Variants in KCNG2 observed in about 807,000 individuals in gnomAD.
The protein encoded by KCNG2 is voltage-gated potassium channel regulatory subunit KCNG2.
A neutral mutation model predicts 12.3 loss-of-function variants in KCNG2; 7 were observed. The observed-to-expected ratio is 0.57, with a 90% CI of 0.32 to 1.07. The LOEUF is 1.07. Among genes scored for constraint, KCNG2 ranks in the 50% least tolerant of loss-of-function variants. The probability of loss-of-function intolerance (pLI) is 0.04; values close to 1 mark genes in which losing one functional copy is unlikely to be tolerated. For missense variants in KCNG2, 703 were observed against 726.0 expected, an observed-to-expected ratio of 0.97 and a Z score of 0.36; for synonymous variants, 414 against 351.4, an observed-to-expected ratio of 1.18 and a Z score of -1.99.
chr18:79,880,356 G>A (rs1980248885), intron 3 of KCNG2, among the ~76,000 whole-genome samples: 1 of 147,166 alleles, frequency 6.8e-6, no homozygotes, highest in African/African-American at 2.5e-5. Context: ...CAATTACTTT[G>A]ATAAGACAAA....
intron 1 of KCNG2, among the ~76,000 whole-genome samples, chr18:79,798,326 G>T (rs1452362173): frequency 6.6e-6 from 1 of 152,096 alleles, no homozygotes; most frequent in Non-Finnish European, 1.5e-5. Flanking sequence ...GCCGCGCCGC[G>T]CGCGTGGATG....
At chr18:79,869,565 C>T (rs764691059) in intron 3 of KCNG2, among the ~76,000 whole-genome samples, 2 of 152,184 alleles carry the variant, frequency 1.3e-5, no homozygotes, top group Non-Finnish European at 2.9e-5. Context: ...CAAGCAGGCT[C>T]TGTCCTCTGC....
At chr18:79,890,818 C>T (rs1472722722) in intron 3 of KCNG2, among the ~76,000 whole-genome samples, 1 of 152,176 alleles carries the variant, frequency 6.6e-6, no homozygotes, top group African/African-American at 2.4e-5. Context: ...GTGAATGGAT[C>T]CATTTTACCT....
At chr18:79,887,762 G>A (rs1980582340) in intron 3 of KCNG2, among the ~76,000 whole-genome samples, 1 of 152,226 alleles carries the variant, frequency 6.6e-6, no homozygotes, top group Admixed American at 6.5e-5. Context: ...GGCTCCCTCG[G>A]GCACAGATCG....
intron 1 of KCNG2, among the ~76,000 whole-genome samples, chr18:79,832,184 C>T (rs1441722455): frequency 6.6e-6 from 1 of 151,442 alleles, no homozygotes; most frequent in Non-Finnish European, 1.5e-5. Context: ...CCTCACCTGC[C>T]CTTTCTCACC....
At chr18:79,851,859 C>T (rs1031671288) in intron 1 of KCNG2, among the ~76,000 whole-genome samples, 7 of 152,066 alleles carry the variant, frequency 4.6e-5, no homozygotes, top group Non-Finnish European at 5.9e-5. Context: ...TGCACGTGTG[C>T]GTGTGAGGAC....
chr18:79,899,924 G>GC lies in KCNG2; in HGVS notation c.*110dup, dbSNP rs1336052429. ...CGTCTGGCCTGGGGGAGCGGCTCCTGCCGGCCGCGTCCTCGGCCCTCGTGC... is the reference window on the plus strand; with the variant it reads ...CGTCTGGCCTGGGGGAGCGGCTCCTGCCCGGCCGCGTCCTCGGCCCTCGTGC... On this transcript the variant is annotated 3_prime_UTR_variant, in exon 4 of 4. Coordinates refer to ENST00000316249, the MANE Select transcript of KCNG2 (RefSeq NM_012283.2). The GC allele has an allele frequency of 1.1e-5, 12 of 1,061,486 alleles. No homozygotes were observed. Among genetic ancestry groups the GC allele is most frequent in the Non-Finnish European group, 1.5e-5 (12 of 826,400 alleles). 65.8% of individuals were successfully genotyped at this position (1,061,486 alleles called of 1,614,324 possible).
chr18:79,821,684 G>A (rs563375998), intron 1 of KCNG2, among the ~76,000 whole-genome samples: 60 of 152,302 alleles, frequency 3.9e-4, no homozygotes, highest in African/African-American at 1.3e-3. Flanking sequence ...TTACTAGGAA[G>A]GGCCTCCTTC....
intron 3 of KCNG2, among the ~76,000 whole-genome samples, chr18:79,895,752 A>G (rs970952944): frequency 3.3e-5 from 5 of 151,768 alleles, no homozygotes; most frequent in Non-Finnish European, 5.9e-5. Context: ...GTTATGATTT[A>G]TATAGTTGGA....
In KCNG2 at chr18:79,803,553, G is replaced by A. The variant is rs990333365; in HGVS notation, c.-115+5539G>A. ...GCGTGGGTGTGCAGTGCTGGGGACC[G>A]ACGAGGGGGCCTGTGATTCTGGGGG... On this transcript the variant is annotated intron_variant, in intron 1 of 3. Transcript: ENST00000316249. The surrounding 1 kb of genome is among the most constrained non-coding windows in gnomAD (Gnocchi z 4.5). 1.3e-5 allele frequency among the ~76,000 whole-genome samples: 2 copies of A among 152,180 alleles called. No individual in the cohort carries two copies. The highest frequency in any genetic ancestry group is 4.8e-5 in the African/African-American group (2 of 41,434).
chr18:79,838,720 A>G (rs8099701), intron 1 of KCNG2, among the ~76,000 whole-genome samples: 11,804 of 152,248 alleles, frequency 0.078, 579 homozygotes, highest in East Asian at 0.14. Context: ...CCAAAGAGGA[A>G]GTCTTAAGGG....
At position 79,899,128 on chromosome 18, in the gene KCNG2, T is replaced by C; in HGVS notation, c.713T>C (p.Leu238Pro). Residue 238 changes from leucine (L) to proline (P), a missense_variant, in exon 4 of 4, where the codon CTG (leucine) becomes CCG (proline). Physicochemically the swap from Leu to Pro is moderately conservative, Grantham distance 98 (BLOSUM62 -3). Transcript: ENST00000316249. ...WFSFEFLLRS[L>P]QAESKCAFLR... ...TCCTTCGAGTTCCTGCTGCGCTCCC[T>C]GCAGGCCGAGAGCAAGTGCGCCTTC... 1 of 1,607,482 alleles carries C rather than the reference T, an allele frequency of 6.2e-7. No individual in the cohort carries two copies. The highest frequency in any genetic ancestry group is 8.5e-7 in the Non-Finnish European group (1 of 1,179,350).
chr18:79,826,509 A>C (rs12456941), intron 1 of KCNG2, among the ~76,000 whole-genome samples: 2 of 99,574 alleles, frequency 2.0e-5, no homozygotes, highest in Non-Finnish European at 4.1e-5. Context: ...GGAAGGTTAG[A>C]TTCGGCGCGT....
At chr18:79,815,583 G>C (rs1041277329) in intron 1 of KCNG2, among the ~76,000 whole-genome samples, 1 of 152,178 alleles carries the variant, frequency 6.6e-6, no homozygotes, top group African/African-American at 2.4e-5. Flanking sequence ...CCACCGCTCA[G>C]CAAAGACGTG....
intron 3 of KCNG2, among the ~76,000 whole-genome samples, chr18:79,869,175 G>A (rs1979728933): frequency 6.6e-6 from 1 of 152,174 alleles, no homozygotes; most frequent in African/African-American, 2.4e-5. Flanking sequence ...CTCGGAGAAT[G>A]AGGGAAGCCC....
intron 1 of KCNG2, among the ~76,000 whole-genome samples, chr18:79,801,503 A>G (rs1205656774): frequency 6.6e-6 from 1 of 152,250 alleles, no homozygotes; most frequent in Non-Finnish European, 1.5e-5. Context: ...GGGGACGCAC[A>G]TGCTGGGCCC....
intron 1 of KCNG2, among the ~76,000 whole-genome samples, chr18:79,811,126 A>G (rs2087491389): frequency 6.6e-6 from 1 of 152,244 alleles, no homozygotes; most frequent in Non-Finnish European, 1.5e-5. Flanking sequence ...GGATAGGAAG[A>G]CTTAACATTG....
intron 1 of KCNG2, among the ~76,000 whole-genome samples, chr18:79,824,169 T>C (rs1338618778): frequency 2.0e-5 from 3 of 152,190 alleles, no homozygotes; most frequent in Non-Finnish European, 4.4e-5. Context: ...TGTGGGTAAC[T>C]TGTATTTTTT....
intron 1 of KCNG2, among the ~76,000 whole-genome samples, chr18:79,814,977 T>C (rs72980015): frequency 0.03 from 4,487 of 151,982 alleles, 91 homozygotes; most frequent in Middle Eastern, 0.085. Flanking sequence ...ATAAACAGAT[T>C]AGGGTCAGGA....
Sources: gnomAD v4.1 joint callset for allele counts (sites outside exome capture counted in the v4.1 genomes callset) on GRCh38, gnomAD v4.1.1 for gene constraint, Gnocchi (gnomAD v3.1) non-coding constraint, MANE v1.5 for transcripts, NCBI Gene and HGNC (gene_info 2026-07-23, HGNC 2026-07-21) for gene names.